MYO1E: variants seen among roughly 807,000 people sequenced by gnomAD.
MYO1E encodes unconventional myosin-Ie.
Under a neutral mutation model 151.1 loss-of-function variants are expected in MYO1E, and 68 were observed. The ratio of observed to expected loss-of-function variants is 0.45; its 90% CI spans 0.37 to 0.55. The LOEUF (loss-of-function observed/expected upper bound fraction) is 0.55, where lower values mean the gene tolerates loss of function less well. Among genes scored for constraint, MYO1E ranks in the 20% least tolerant of loss-of-function variants. The probability of loss-of-function intolerance (pLI) is 0.00; values close to 1 mark genes in which losing one functional copy is unlikely to be tolerated. For synonymous variants in MYO1E, 601 were observed against 501.7 expected, an observed-to-expected ratio of 1.20 and a Z score of -2.64; for missense variants, 1,363 against 1,389.3, an observed-to-expected ratio of 0.98 and a Z score of 0.30.
intron 1 of MYO1E, among the ~76,000 whole-genome samples, chr15:59,322,791 A>C (rs570287245): frequency 6.6e-6 from 1 of 152,176 alleles, no homozygotes; most frequent in Non-Finnish European, 1.5e-5. Context: ...CATATCTTAA[A>C]CCAGAATATG....
chr15:59,211,256 T>C (rs771517376), intron 12 of MYO1E, among the ~76,000 whole-genome samples: 1 of 152,028 alleles, frequency 6.6e-6, no homozygotes, highest in African/African-American at 2.4e-5. Context: ...ATCCAGGTAC[T>C]TAATGGGAAG....
At chr15:59,216,666 G>GTGTATA (rs777094542) in intron 10 of MYO1E, among the ~76,000 whole-genome samples, 2 of 30,882 alleles carry the variant, frequency 6.5e-5, no homozygotes, top group Non-Finnish European at 1.4e-4. Flanking sequence ...GTGTGTATGT[G>GTGTATA]TATATATATA....
intron 4 of MYO1E, among the ~76,000 whole-genome samples, chr15:59,255,140 G>T (rs189246641): frequency 3.3e-5 from 5 of 151,586 alleles, no homozygotes; most frequent in African/African-American, 1.2e-4. Context: ...TTTGAGACAG[G>T]GTCTTGCTCT....
intron 17 of MYO1E, among the ~76,000 whole-genome samples, chr15:59,189,967 C>T (rs535203599): frequency 1.1e-4 from 16 of 152,300 alleles, no homozygotes; most frequent in African/African-American, 3.4e-4. Flanking sequence ...CTTGGGGATG[C>T]TGATTTAGTA....
At chr15:59,316,396 C>T (rs1596414103) in intron 1 of MYO1E, among the ~76,000 whole-genome samples, 2 of 152,282 alleles carry the variant, frequency 1.3e-5, no homozygotes, top group East Asian at 3.9e-4. Context: ...GCTCTCCAGA[C>T]TGGAGGCCAA....
Position 59,133,474 on chromosome 15 carries a change from C to G in MYO1E, c.*3906G>C, listed in dbSNP as rs962227461. On this transcript the variant is annotated 3_prime_UTR_variant, in exon 28 of 28. Transcript: ENST00000288235. The stretch of plus-strand genomic sequence containing the variant: ...ACCTAGTGAACCATACTGAGCCAGT[C>G]TTCTTGTTAGAAAGGGTGCTCAGAG... The G allele has an allele frequency of 6.0e-5, 9 of 149,480 alleles. No homozygotes were observed. Among genetic ancestry groups the G allele is most frequent in the African/African-American group, 2.2e-4 (9 of 40,510 alleles). The allele number at this position is 149,480 out of a possible 1,614,324, so 9.3% of individuals were successfully genotyped here. A position where few individuals can be genotyped will look rare whatever the true frequency, so the allele number is the denominator to read the frequency against.
rs1308485369 is a variant in MYO1E, at chr15:59,135,725, AT to A, written c.*1654del. 6.6e-6 allele frequency: 1 copy of A among 152,084 alleles called. No individual in the cohort carries two copies. The highest frequency in any genetic ancestry group is 1.5e-5 in the Non-Finnish European group (1 of 68,022). 9.4% of individuals were successfully genotyped at this position (152,084 alleles called of 1,614,324 possible). A position where few individuals can be genotyped will look rare whatever the true frequency, so the allele number is the denominator to read the frequency against. On this transcript the variant is annotated 3_prime_UTR_variant, in exon 28 of 28. Transcript: ENST00000288235. ...TTTCCCTTATACGTAAGCCCTGATA[AT>A]TTTTTCCCATGGACTTGAGGATCCT... is the stretch of plus-strand genomic sequence containing the variant.
chr15:59,216,171 C>G (rs114507930), intron 10 of MYO1E, among the ~76,000 whole-genome samples: 1,856 of 152,110 alleles, frequency 0.012, 36 homozygotes, highest in African/African-American at 0.042. Flanking sequence ...CACTGTTGTC[C>G]CTTGACTAGG....
chr15:59,184,800 T>C lies in MYO1E; in HGVS notation c.1904+3318A>G, dbSNP rs374550141. ...CCTGATTTCCTTTCTTTTGGCTCCA[T>C]ACCTAGGAGTGGGCTTGCTGGATCA... On this transcript the variant is annotated intron_variant, in intron 18 of 27. Coordinates refer to ENST00000288235, the MANE Select transcript of MYO1E (RefSeq NM_004998.4). Among the ~76,000 whole-genome samples, 70 of 152,354 alleles carry C rather than the reference T, an allele frequency of 4.6e-4. No individual in the cohort carries two copies. In the South Asian group the frequency reaches 0.013, roughly 28 times the overall value.
chr15:59,322,108 G>A (rs1165329375), intron 1 of MYO1E, among the ~76,000 whole-genome samples: 2 of 150,810 alleles, frequency 1.3e-5, no homozygotes, highest in Non-Finnish European at 3.0e-5. Flanking sequence ...CTGGGAGGTG[G>A]AGGTTGCAGT....
At chr15:59,190,164 A>C (rs1185165846) in intron 17 of MYO1E, among the ~76,000 whole-genome samples, 13 of 152,238 alleles carry the variant, frequency 8.5e-5, no homozygotes, top group Non-Finnish European at 1.9e-4. Flanking sequence ...GTGCTGCGCG[A>C]GCTGGCTGAA....
chr15:59,162,786 C>A lies in MYO1E; in HGVS notation c.2627+371G>T, dbSNP rs181588247. On this transcript the variant is annotated intron_variant, in intron 23 of 27. Transcript: ENST00000288235. Reference sequence around the variant, plus strand: ...ATGCATTGGTTTGGGGAATTTAAACCCCCACCTCTGTCACTTTTATCTGCT... The same window carrying A: ...ATGCATTGGTTTGGGGAATTTAAACACCCACCTCTGTCACTTTTATCTGCT... Among the ~76,000 whole-genome samples the A allele has an allele frequency of 3.9e-5, 6 of 152,160 alleles. No homozygotes were observed. In the East Asian group the frequency reaches 9.7e-4, roughly 24 times the overall value.
At chr15:59,202,732 G>A (rs2079809763) in intron 15 of MYO1E, among the ~76,000 whole-genome samples, 2 of 152,148 alleles carry the variant, frequency 1.3e-5, no homozygotes, top group Admixed American at 6.5e-5. Flanking sequence ...GAGGTCAGTA[G>A]GGGATTTTAG....
chr15:59,153,413 A>G (rs551731331), intron 26 of MYO1E, among the ~76,000 whole-genome samples, 177 bp downstream of exon 26: 8 of 152,350 alleles, frequency 5.3e-5, no homozygotes, highest in South Asian at 2.1e-4. Context: ...ATGTGACTGT[A>G]CCTTTACAAA....
intron 22 of MYO1E, among the ~76,000 whole-genome samples, chr15:59,170,255 C>G (rs1421561759): frequency 6.6e-6 from 1 of 152,238 alleles, no homozygotes; most frequent in Non-Finnish European, 1.5e-5. Context: ...CACCAGGGGT[C>G]TGAGGGACTG....
intron 26 of MYO1E, among the ~76,000 whole-genome samples, chr15:59,144,276 C>T (rs1440354281): frequency 4.6e-5 from 7 of 152,248 alleles, no homozygotes; most frequent in African/African-American, 7.2e-5. Flanking sequence ...AAGCAATTCT[C>T]GTGCCTCAGC....
At chr15:59,301,485 C>G (rs190531266) in intron 1 of MYO1E, among the ~76,000 whole-genome samples, 2 of 152,196 alleles carry the variant, frequency 1.3e-5, no homozygotes, top group Non-Finnish European at 2.9e-5. Flanking sequence ...ATCCCCTCAC[C>G]GACTCAACAG....
intron 17 of MYO1E, among the ~76,000 whole-genome samples, chr15:59,190,881 T>G (rs149057985): frequency 6.6e-6 from 1 of 152,178 alleles, no homozygotes; most frequent in East Asian, 1.9e-4. Context: ...CACTGTGATG[T>G]GCCTGGGCCT....
chr15:59,166,848 C>A (rs1310126229), intron 22 of MYO1E, among the ~76,000 whole-genome samples: 7 of 152,180 alleles, frequency 4.6e-5, no homozygotes, highest in African/African-American at 1.4e-4. Flanking sequence ...TGCAAAGACC[C>A]ACTCTCCTCT....
Sources: allele counts gnomAD v4.1 joint callset (sites outside exome capture counted in the v4.1 genomes callset), GRCh38; gene constraint gnomAD v4.1.1; transcripts MANE v1.5; gene names NCBI Gene and HGNC (gene_info 2026-07-23, HGNC 2026-07-21).